BCAR3: variants seen among roughly 807,000 people sequenced by gnomAD.
BCAR3 encodes breast cancer anti-estrogen resistance protein 3.
In BCAR3, 37 loss-of-function variants were observed where a neutral mutation model predicts 80.1. The ratio of observed to expected loss-of-function variants is 0.46; its 90% CI spans 0.36 to 0.61. The LOEUF is 0.61. Ranked by LOEUF, BCAR3 falls within the 20% of genes least tolerant of loss-of-function variation. The pLI is 0.00. For synonymous variants in BCAR3, 389 were observed against 418.9 expected, an observed-to-expected ratio of 0.93 and a Z score of 0.87; for missense variants, 978 against 1,068.2, an observed-to-expected ratio of 0.92 and a Z score of 1.18.
chr1:93,656,393 T>C (rs532126613), intron 2 of BCAR3, among the ~76,000 whole-genome samples: 1 of 152,262 alleles, frequency 6.6e-6, no homozygotes, highest in Admixed American at 6.5e-5. Flanking sequence ...CTTTAATTCA[T>C]AAGTATTTTC....
intron 2 of BCAR3, among the ~76,000 whole-genome samples, chr1:93,829,537 C>G (rs1654484620): frequency 6.6e-6 from 1 of 151,044 alleles, no homozygotes; most frequent in African/African-American, 2.4e-5. Flanking sequence ...AAGGAAAATT[C>G]CACCGAGAAC....
At chr1:93,574,554 A>C (rs1168847200) in intron 8 of BCAR3, among the ~76,000 whole-genome samples, 1 of 152,204 alleles carries the variant, frequency 6.6e-6, no homozygotes, top group African/African-American at 2.4e-5. Flanking sequence ...AGAAGCCCCA[A>C]ACCTGTCACC....
chr1:93,707,027 T>C (rs1037793440), intron 2 of BCAR3, among the ~76,000 whole-genome samples: 8 of 151,240 alleles, frequency 5.3e-5, no homozygotes, highest in African/African-American at 1.9e-4. Flanking sequence ...ATACAAAAAT[T>C]AACCAGGTGT....
At chr1:93,588,320 G>C (rs1029028875) in intron 5 of BCAR3, among the ~76,000 whole-genome samples, 25 of 152,086 alleles carry the variant, frequency 1.6e-4, no homozygotes, top group Non-Finnish European at 2.9e-5. Flanking sequence ...TGGGAGGCCA[G>C]GCTCCTACAT....
intron 3 of BCAR3, among the ~76,000 whole-genome samples, chr1:93,633,125 G>C (rs768878400): frequency 2.0e-5 from 3 of 152,142 alleles, no homozygotes; most frequent in Non-Finnish European, 2.9e-5. Context: ...CTGACCCCTT[G>C]GTCTAAAGAT....
intron 2 of BCAR3, among the ~76,000 whole-genome samples, chr1:93,822,206 GTCTC>G (rs975947722): frequency 3.4e-4 from 50 of 148,470 alleles, no homozygotes; most frequent in African/African-American, 1.1e-3. Context: ...TTTTGAGACA[GTCTC>G]TCTATCACCC....
chr1:93,605,681 A>G (rs1674752336), intron 3 of BCAR3: 1 of 152,266 alleles, frequency 6.6e-6, no homozygotes, highest in Non-Finnish European at 1.5e-5. Flanking sequence ...GATCTGGAAC[A>G]CAGCTATTCA....
chr1:93,752,135 C>T (rs915140268), intron 2 of BCAR3, among the ~76,000 whole-genome samples: 1 of 152,232 alleles, frequency 6.6e-6, no homozygotes, highest in Non-Finnish European at 1.5e-5. Context: ...CAAAGGCAGG[C>T]ATGAAAGAAG....
At position 93,588,311 on chromosome 1, in the gene BCAR3, G is replaced by A. The variant is rs538117487; in HGVS notation, c.929+666C>T. ...ACTCTACCACGTGAAGAAGAGTCCT[G>A]GGAGGCCAGGCTCCTACATCTCTTG... is the stretch of plus-strand genomic sequence containing the variant. On this transcript the variant is annotated intron_variant, in intron 5 of 11. Transcript: ENST00000260502. Among the ~76,000 whole-genome samples, 22 of 152,138 alleles carry A rather than the reference G, an allele frequency of 1.4e-4. No individual in the cohort carries two copies. The South Asian group carries it at 1.5e-3, about 10-fold the overall frequency.
intron 2 of BCAR3, among the ~76,000 whole-genome samples, chr1:93,790,642 T>A (rs1653115496): frequency 9.8e-6 from 1 of 101,988 alleles, no homozygotes; most frequent in Admixed American, 9.9e-5. Context: ...TCATTTTTTT[T>A]TTTTCTTAAT....
chr1:93,661,408 C>T (rs1647648929), intron 2 of BCAR3, among the ~76,000 whole-genome samples: 1 of 151,962 alleles, frequency 6.6e-6, no homozygotes, highest in African/African-American at 2.4e-5. Flanking sequence ...TCTCGAACTC[C>T]TGACCTCAAG....
At chr1:93,725,175 C>T (rs958049563) in intron 2 of BCAR3, among the ~76,000 whole-genome samples, 4 of 152,138 alleles carry the variant, frequency 2.6e-5, no homozygotes, top group African/African-American at 7.2e-5. Flanking sequence ...GCAGAGACCC[C>T]GTCTCCTTTA....
In BCAR3 at chr1:93,607,895, G is replaced by GAC. The variant is rs569295730; in HGVS notation, c.358-15504_358-15503dup. On this transcript the variant is annotated intron_variant, in intron 3 of 11. Coordinates refer to ENST00000260502, the MANE Select transcript of BCAR3 (RefSeq NM_003567.4). ...TGCTTGTATCTCCATCCGCCCACCA[G>GAC]ACACAGCAGAGCTCCTTCGGGCGGA... Among the ~76,000 whole-genome samples the GAC allele has an allele frequency of 5.9e-5, 9 of 152,262 alleles. No individual in the cohort carries two copies. The South Asian group carries it at 1.9e-3, about 32-fold the overall frequency.
upstream of BCAR3, among the ~76,000 whole-genome samples, chr1:93,684,325 G>C (rs1440105224): frequency 1.3e-5 from 2 of 152,194 alleles, no homozygotes; most frequent in Admixed American, 1.3e-4. Flanking sequence ...AAAGTTTCTA[G>C]TGCAGAGCAT....
At chr1:93,758,768 C>T (rs1651831488) in intron 2 of BCAR3, among the ~76,000 whole-genome samples, 1 of 152,192 alleles carries the variant, frequency 6.6e-6, no homozygotes, top group South Asian at 2.1e-4. Context: ...GCTCTGTGTT[C>T]ACCCCCTGGG....
chr1:93,713,395 C>T (rs377340571), intron 2 of BCAR3, among the ~76,000 whole-genome samples: 35 of 152,240 alleles, frequency 2.3e-4, no homozygotes, highest in African/African-American at 8.4e-4. Context: ...GATTCCTGGT[C>T]CAAGATTCTT....
At chr1:93,781,073 T>G (rs967971615) in intron 2 of BCAR3, among the ~76,000 whole-genome samples, 1 of 152,238 alleles carries the variant, frequency 6.6e-6, no homozygotes, top group African/African-American at 2.4e-5. Context: ...TGGAGGAGAT[T>G]GCCCAGTTCT....
intron 11 of BCAR3, 60 bp downstream of exon 11, chr1:93,567,219 A>G: frequency 6.8e-6 from 10 of 1,469,412 alleles, no homozygotes; most frequent in Non-Finnish European, 9.5e-6. Context: ...ATGCTCTTCC[A>G]TTCCTTCATT....
rs1056693838 is a variant in BCAR3, at chr1:93,632,567, T to C, written c.357+9737A>G. 3.9e-5 allele frequency among the ~76,000 whole-genome samples: 6 copies of C among 152,310 alleles called. No individual in the cohort carries two copies. The South Asian group carries it at 8.3e-4, about 21-fold the overall frequency. On this transcript the variant is annotated intron_variant, in intron 3 of 11. Coordinates refer to ENST00000260502, the MANE Select transcript of BCAR3 (RefSeq NM_003567.4). ...CATTTTCAACTTATGATATTTTCAA[T>C]TGATGATGGGTTTATTGGGATGTAG...
Sources: gnomAD v4.1 joint callset for allele counts (sites outside exome capture counted in the v4.1 genomes callset) on GRCh38, gnomAD v4.1.1 for gene constraint, MANE v1.5 for transcripts, NCBI Gene and HGNC (gene_info 2026-07-23, HGNC 2026-07-21) for gene names.